Variants in ELF1 observed in about 807,000 individuals in gnomAD.
ELF1 encodes the protein E74 like ETS transcription factor 1.
A neutral mutation model predicts 59.9 loss-of-function variants in ELF1; 24 were observed. The observed-to-expected ratio is 0.40, with a 90% CI of 0.29 to 0.56. The LOEUF is 0.56. Among genes scored for constraint, ELF1 ranks in the 20% least tolerant of loss-of-function variants. The probability of loss-of-function intolerance (pLI) is 0.44; values close to 1 mark genes in which losing one functional copy is unlikely to be tolerated. For synonymous variants in ELF1, 248 were observed against 266.2 expected, an observed-to-expected ratio of 0.93 and a Z score of 0.67; for missense variants, 627 against 742.2, an observed-to-expected ratio of 0.84 and a Z score of 1.80.
chr13:41,060,483 C>G (rs1438894722), intron 1 of ELF1, among the ~76,000 whole-genome samples: 3 of 152,084 alleles, frequency 2.0e-5, no homozygotes, highest in Admixed American at 6.5e-5. Flanking sequence ...AAGTGAAACT[C>G]CCTCAGGGCC....
At chr13:41,049,560 C>T (rs1249895025) in intron 1 of ELF1, among the ~76,000 whole-genome samples, 1 of 152,174 alleles carries the variant, frequency 6.6e-6, no homozygotes, top group Non-Finnish European at 1.5e-5. Flanking sequence ...CCCATTGCAT[C>T]TCACTTTCTA....
At chr13:41,035,138 C>G (rs17593261) in intron 1 of ELF1, among the ~76,000 whole-genome samples, 8,387 of 152,310 alleles carry the variant, frequency 0.055, 500 homozygotes, top group East Asian at 0.21. Flanking sequence ...CGTACACACA[C>G]TTATGGTTAC....
chr13:40,964,330 A>G (rs1212370436), intron 2 of ELF1, among the ~76,000 whole-genome samples: 1 of 152,198 alleles, frequency 6.6e-6, no homozygotes, highest in Non-Finnish European at 1.5e-5. Context: ...TGGGTCCCTC[A>G]GCAGAAATTT....
At chr13:40,980,880 T>C (rs1873219703) in intron 2 of ELF1, among the ~76,000 whole-genome samples, 1 of 152,190 alleles carries the variant, frequency 6.6e-6, no homozygotes, top group Admixed American at 6.5e-5. Flanking sequence ...TAAGCAATTC[T>C]CTCCCTGAAC....
At chr13:40,970,737 CT>C (rs1276586570) in intron 2 of ELF1, among the ~76,000 whole-genome samples, 3 of 152,016 alleles carry the variant, frequency 2.0e-5, no homozygotes. Context: ...GATTATGTAC[CT>C]GCTATAAATG....
At chr13:40,945,717 T>C (rs921188735) in intron 5 of ELF1, among the ~76,000 whole-genome samples, 4 of 152,234 alleles carry the variant, frequency 2.6e-5, no homozygotes, top group African/African-American at 7.2e-5. Context: ...GACCTTTTCA[T>C]TTAATTCTCC....
At chr13:40,939,561 TCAC>T (rs1870003667) in intron 8 of ELF1, among the ~76,000 whole-genome samples, 1 of 152,088 alleles carries the variant, frequency 6.6e-6, no homozygotes, top group Non-Finnish European at 1.5e-5. Flanking sequence ...CACCCAGTCA[TCAC>T]CTGTAACCCA....
chr13:41,000,237 C>CTTTTTTTT (rs55938711), intron 1 of ELF1, among the ~76,000 whole-genome samples: 7 of 54,752 alleles, frequency 1.3e-4, no homozygotes, highest in African/African-American at 4.6e-4. Flanking sequence ...TTGAACCTGG[C>CTTTTTTTT]TTTTTTTTTT....
intron 1 of ELF1, among the ~76,000 whole-genome samples, chr13:41,010,993 G>T (rs1361609107): frequency 6.6e-6 from 1 of 152,142 alleles, no homozygotes; most frequent in Non-Finnish European, 1.5e-5. Flanking sequence ...AGCTTTACCT[G>T]AAGAATGTAT....
intron 1 of ELF1, among the ~76,000 whole-genome samples, chr13:41,014,826 T>A (rs1875263730): frequency 6.6e-6 from 1 of 152,076 alleles, no homozygotes; most frequent in Non-Finnish European, 1.5e-5. Flanking sequence ...TCCCATTAGA[T>A]GAGATGTAAT....
At chr13:41,054,827 TG>T (rs1367652703) in intron 1 of ELF1, among the ~76,000 whole-genome samples, 4 of 152,324 alleles carry the variant, frequency 2.6e-5, no homozygotes, top group Admixed American at 6.5e-5. Flanking sequence ...CAGTTCAACC[TG>T]CACGTTACTA....
rs1869524488 is a variant in ELF1 at position 40,933,199 on chromosome 13, C to G, written c.*226G>C. On this transcript the variant is annotated 3_prime_UTR_variant, in exon 9 of 9. Transcript: ENST00000239882. ...AATAAAAATCTCAAAAGAATGTCTTCATAGTGTAAAATGCCTGTTCCTTCA... is the reference window on the plus strand; with the variant it reads ...AATAAAAATCTCAAAAGAATGTCTTGATAGTGTAAAATGCCTGTTCCTTCA... 1.9e-6 allele frequency: 1 copy of G among 512,848 alleles called. No homozygotes were observed. Among genetic ancestry groups the G allele is most frequent in the Non-Finnish European group, 3.3e-6 (1 of 301,988 alleles). 31.8% of individuals were successfully genotyped at this position (512,848 alleles called of 1,614,324 possible). A position where few individuals can be genotyped will look rare whatever the true frequency, so the allele number is the denominator to read the frequency against.
chr13:40,961,510 T>C (rs1871818241), intron 2 of ELF1, among the ~76,000 whole-genome samples: 1 of 151,896 alleles, frequency 6.6e-6, no homozygotes, highest in Admixed American at 6.6e-5. Context: ...TACAATCCCA[T>C]CTGTGAATAC....
At chr13:41,027,151 T>C (rs1000555179) in intron 1 of ELF1, among the ~76,000 whole-genome samples, 2 of 152,176 alleles carry the variant, frequency 1.3e-5, no homozygotes, top group East Asian at 1.9e-4. Flanking sequence ...GCATAGGCAA[T>C]AGATAATGGT....
chr13:41,023,841 A>G (rs1385059635), upstream of ELF1, among the ~76,000 whole-genome samples: 1 of 152,252 alleles, frequency 6.6e-6, no homozygotes, highest in Non-Finnish European at 1.5e-5. Context: ...GCAGAAATTC[A>G]GAGACATGAA....
intron 1 of ELF1, among the ~76,000 whole-genome samples, chr13:40,983,100 A>T (rs1419307739): frequency 2.6e-5 from 4 of 151,728 alleles, no homozygotes; most frequent in South Asian, 4.2e-4. Flanking sequence ...TTGCCTATTT[A>T]AAAAAAAAGT....
intron 2 of ELF1, among the ~76,000 whole-genome samples, chr13:40,966,460 T>C (rs1872178385): frequency 6.6e-6 from 1 of 152,228 alleles, no homozygotes; most frequent in South Asian, 2.1e-4. Context: ...TTCAACATTG[T>C]CCACGATATA....
chr13:40,934,574 C>T (rs936009383), intron 8 of ELF1, among the ~76,000 whole-genome samples: 10 of 151,966 alleles, frequency 6.6e-5, no homozygotes, highest in Non-Finnish European at 1.5e-5. Context: ...TCACGTGCCA[C>T]CACGCCCGGC....
intron 2 of ELF1, among the ~76,000 whole-genome samples, 165 bp from the exon 3 acceptor site, chr13:40,959,181 C>T (rs1871650003): frequency 6.6e-6 from 1 of 152,098 alleles, no homozygotes; most frequent in Non-Finnish European, 1.5e-5. Flanking sequence ...GTATCTATTA[C>T]AACCAAATAA....
Sources: gnomAD v4.1 joint callset for allele counts (sites outside exome capture counted in the v4.1 genomes callset) on GRCh38, gnomAD v4.1.1 for gene constraint, MANE v1.5 for transcripts, NCBI Gene and HGNC (gene_info 2026-07-23, HGNC 2026-07-21) for gene names.